The following TDRD9 variants were observed in gnomAD, a reference collection of about 807,000 sequenced individuals.
The protein encoded by TDRD9 is tudor domain containing 9, also known as ATP-dependent RNA helicase TDRD9.
A neutral mutation model predicts 172.6 loss-of-function variants in TDRD9; 124 were observed. The observed-to-expected ratio is 0.72, with a 90% CI of 0.62 to 0.83. The LOEUF is 0.83. Ranked by LOEUF, TDRD9 falls within the 40% of genes least tolerant of loss-of-function variation. The pLI is 0.00. For missense variants in TDRD9, 1,479 were observed against 1,714.1 expected, an observed-to-expected ratio of 0.86 and a Z score of 2.42; for synonymous variants, 619 against 617.1, an observed-to-expected ratio of 1.00 and a Z score of -0.05.
At chr14:104,030,584 G>A (rs1566795045) in intron 28 of TDRD9, among the ~76,000 whole-genome samples, 1 of 152,138 alleles carries the variant, frequency 6.6e-6, no homozygotes, top group African/African-American at 2.4e-5. Flanking sequence ...AAAGGCTGTC[G>A]GATTTCTTTT....
At chr14:103,939,925 A>G (rs2031111433) in intron 1 of TDRD9, 1 of 150,038 alleles carries the variant, frequency 6.7e-6, no homozygotes, top group Non-Finnish European at 1.5e-5. Context: ...TCCAATTTTG[A>G]TACGTATATT....
At chr14:103,939,914 T>C (rs2152119082) in intron 1 of TDRD9, 1 of 150,804 alleles carries the variant, frequency 6.6e-6, no homozygotes, top group East Asian at 1.9e-4. Context: ...ACCCAGCTAG[T>C]TCCAATTTTG....
At position 103,986,218 on chromosome 14, in the gene TDRD9, T is replaced by C; in HGVS notation, c.1013T>C (p.Leu338Pro). The C allele has an allele frequency of 6.2e-7, 1 of 1,611,642 alleles. No homozygotes were observed. The highest frequency in any genetic ancestry group is 8.5e-7 in the Non-Finnish European group (1 of 1,178,994). ...ACTTTTTTCTTTCACTGTTTTTAGC[T>C]CTCTCCTCATCTCCTGGAGGAACCG... ...NDLEHIHHSK[L>P]SPHLLEEPVI... Residue 338 changes from leucine to proline, a missense_variant and splice_region_variant, in exon 8 of 36, where the codon CTC becomes CCC. By Grantham distance (98) the Leu-to-Pro change is moderately conservative. Coordinates refer to ENST00000409874, the MANE Select transcript of TDRD9 (RefSeq NM_153046.3).
intron 7 of TDRD9, among the ~76,000 whole-genome samples, chr14:103,982,713 C>A (rs1055994314): frequency 6.6e-6 from 1 of 152,114 alleles, no homozygotes; most frequent in Non-Finnish European, 1.5e-5. Flanking sequence ...CGAGACCAGC[C>A]TAACACGGAG....
chr14:104,037,649 C>T (rs1446282352), intron 32 of TDRD9, among the ~76,000 whole-genome samples: 1 of 152,240 alleles, frequency 6.6e-6, no homozygotes, highest in Non-Finnish European at 1.5e-5. Flanking sequence ...GTGGAGGCCA[C>T]TGTCCCCTTC....
intron 2 of TDRD9, among the ~76,000 whole-genome samples, chr14:103,956,537 GA>G (rs1380480652): frequency 6.6e-6 from 1 of 152,208 alleles, no homozygotes; most frequent in African/African-American, 2.4e-5. Flanking sequence ...AGCTACTGGA[GA>G]GGCTGAGGCA....
chr14:103,999,643 A>ACATTTAATCTTTTAATCTTCCTAAC lies in TDRD9; in HGVS notation c.1483+915_1483+916insCATTTAATCTTTTAATCTTCCTAAC, dbSNP rs1566771643. Among the ~76,000 whole-genome samples the ACATTTAATCTTTTAATCTTCCTAAC allele has an allele frequency of 2.0e-3, 266 of 130,530 alleles. 1 individual carries two copies. The highest frequency in any genetic ancestry group is 4.8e-3 in the South Asian group (21 of 4,332). The allele number at this position is 130,530 out of a possible 152,430, so 85.6% of individuals were successfully genotyped here. On this transcript the variant is annotated intron_variant, in intron 13 of 35. Coordinates refer to ENST00000409874, the MANE Select transcript of TDRD9 (RefSeq NM_153046.3). The stretch of plus-strand genomic sequence containing the variant: ...GCTTTTTTTTTTGTTTGTTTTTTAG[A>ACATTTAATCTTTTAATCTTCCTAAC]AAACCTTTTGGGAAGGGTAGATAAA...
chr14:103,980,700 G>C lies in TDRD9; in HGVS notation c.1011+5147G>C, dbSNP rs1219018542. 5.3e-5 allele frequency among the ~76,000 whole-genome samples: 8 copies of C among 152,040 alleles called. No homozygotes were observed. Among genetic ancestry groups the C allele is most frequent in the Admixed American group, 4.6e-4 (7 of 15,266 alleles). ...CAGGGAAAGGGAGACTCCCTTTCCC[G>C]GTCTGCTGAGTAGCGGGTGTTTTTC... is the stretch of plus-strand genomic sequence containing the variant. On this transcript the variant is annotated intron_variant, in intron 7 of 35. Transcript: ENST00000409874. This position sits in a 1 kb window ranked among gnomAD's most constrained non-coding sequence, Gnocchi z 4.5.
At chr14:104,005,555 A>G (rs917990427) in intron 15 of TDRD9, 150 bp downstream of exon 15, 4 of 829,440 alleles carry the variant, frequency 4.8e-6, no homozygotes, top group Admixed American at 2.6e-5. Context: ...CTTTCCCGCT[A>G]ACTCTGTTCC....
chr14:104,008,246 C>T (rs910736349), intron 19 of TDRD9, among the ~76,000 whole-genome samples, 167 bp from the exon 20 acceptor site: 5 of 152,080 alleles, frequency 3.3e-5, no homozygotes, highest in Non-Finnish European at 7.4e-5. Context: ...TCTCTGGCTT[C>T]AATGTAAAAT....
chr14:104,006,981 G>A (rs1296132459), intron 18 of TDRD9, 136 bp downstream of exon 18: 8 of 988,226 alleles, frequency 8.1e-6, no homozygotes, highest in Non-Finnish European at 1.5e-6. Context: ...GGTGTCCAGT[G>A]TTAAATTAAC....
At chr14:103,937,960 G>A (rs1448648575) in intron 1 of TDRD9, among the ~76,000 whole-genome samples, 1 of 151,908 alleles carries the variant, frequency 6.6e-6, no homozygotes, top group Non-Finnish European at 1.5e-5. Flanking sequence ...CAGGCAATTG[G>A]TTCTGTGCAT....
chr14:103,987,103 A>G (rs904548879), intron 8 of TDRD9, among the ~76,000 whole-genome samples: 6 of 147,028 alleles, frequency 4.1e-5, no homozygotes, highest in African/African-American at 1.5e-4. Context: ...ACAGAGCAAG[A>G]CTCCATCTCA....
At chr14:103,969,591 G>A (rs548606243) in intron 5 of TDRD9, among the ~76,000 whole-genome samples, 1 of 152,262 alleles carries the variant, frequency 6.6e-6, no homozygotes, top group East Asian at 1.9e-4. Flanking sequence ...AGATAGTAGG[G>A]CCTGGAATAG....
chr14:103,979,846 A>G (rs1394653313), intron 7 of TDRD9, among the ~76,000 whole-genome samples: 1 of 151,376 alleles, frequency 6.6e-6, no homozygotes, highest in Non-Finnish European at 1.5e-5. Flanking sequence ...TTACATTTAC[A>G]ACATTTAAAC....
intron 14 of TDRD9, 112 bp from the exon 15 acceptor site, chr14:104,005,162 C>A (rs2152216967): frequency 1.9e-6 from 2 of 1,063,610 alleles, no homozygotes; most frequent in East Asian, 5.2e-5. Flanking sequence ...ATTTTTCTTT[C>A]TTCTCTCCTC....
intron 34 of TDRD9, among the ~76,000 whole-genome samples, chr14:104,044,490 A>G (rs1321572319): frequency 1.3e-5 from 2 of 152,188 alleles, no homozygotes; most frequent in African/African-American, 4.8e-5. Context: ...ACCCCAGCCC[A>G]GGTACCACTG....
chr14:103,954,255 TGTTTTTCAG>T (rs1441738035), intron 1 of TDRD9, among the ~76,000 whole-genome samples: 1 of 152,246 alleles, frequency 6.6e-6, no homozygotes, highest in East Asian at 1.9e-4. Context: ...CTGTTGGACA[TGTTTTTCAG>T]GTTTTAATTA....
chr14:104,047,983 G>A (rs1165559911), intron 34 of TDRD9, among the ~76,000 whole-genome samples: 3 of 152,094 alleles, frequency 2.0e-5, no homozygotes, highest in African/African-American at 7.2e-5. Flanking sequence ...ACCCACAGCT[G>A]GCCACACACT....
Sources: gnomAD v4.1 joint callset for allele counts (sites outside exome capture counted in the v4.1 genomes callset) on GRCh38, gnomAD v4.1.1 for gene constraint, Gnocchi (gnomAD v3.1) non-coding constraint, MANE v1.5 for transcripts, NCBI Gene and HGNC (gene_info 2026-07-23, HGNC 2026-07-21) for gene names.